The following KCTD2 variants were observed in gnomAD, a reference collection of about 807,000 sequenced individuals.
KCTD2 encodes potassium channel tetramerization domain containing 2, also known as BTB/POZ domain-containing protein KCTD2.
In KCTD2, 18 loss-of-function variants were observed where a neutral mutation model predicts 27.9. The ratio of observed to expected loss-of-function variants is 0.64; its 90% confidence interval spans 0.45 to 0.96. The LOEUF (loss-of-function observed/expected upper bound fraction) is 0.96. KCTD2 is among the 40% of genes least tolerant of loss of function. The probability of loss-of-function intolerance (pLI) is 0.00; values close to 1 mark genes in which losing one functional copy is unlikely to be tolerated. For missense variants in KCTD2, 280 were observed against 348.0 expected (o/e 0.80, Z 1.56); for synonymous variants, 175 against 148.4 (o/e 1.18, Z -1.30).
chr17:75,055,146 C>G (rs1345215217), intron 3 of KCTD2, among the ~76,000 whole-genome samples: 1 of 151,908 alleles, frequency 6.6e-6, no homozygotes, highest in Non-Finnish European at 1.5e-5. Flanking sequence ...CCTCTGCCTC[C>G]CAGGTTCAAG....
At chr17:75,034,574 T>TG (rs2040097031) in intron 2 of KCTD2, among the ~76,000 whole-genome samples, 2 of 152,138 alleles carry the variant, frequency 1.3e-5, no homozygotes, top group Admixed American at 1.3e-4. Flanking sequence ...GGCCCTGCTG[T>TG]GGGTCACCGC....
intron 3 of KCTD2, among the ~76,000 whole-genome samples, chr17:75,058,336 A>AG (rs2073369835): frequency 7.1e-6 from 1 of 141,078 alleles, no homozygotes; most frequent in Non-Finnish European, 1.5e-5. Flanking sequence ...AAAAAAAAAA[A>AG]GGAAAAAAAA....
intron 2 of KCTD2, among the ~76,000 whole-genome samples, chr17:75,034,826 G>A (rs947781825): frequency 2.6e-5 from 4 of 152,118 alleles, no homozygotes; most frequent in African/African-American, 4.8e-5. Context: ...TGGGATTCGG[G>A]CAAGGGCTGC....
At chr17:75,049,671 C>T (rs2073265247) in intron 2 of KCTD2, among the ~76,000 whole-genome samples, 1 of 152,152 alleles carries the variant, frequency 6.6e-6, no homozygotes, top group Admixed American at 6.6e-5. Flanking sequence ...AGCAAGACAT[C>T]TCTGACATTC....
At chr17:75,047,712 C>T in intron 1 of KCTD2, 123 bp downstream of exon 1, 1 of 885,788 alleles carries the variant, frequency 1.1e-6, no homozygotes, top group Non-Finnish European at 1.7e-6. Context: ...CCCCATCCTC[C>T]CCCTCCCTCC....
At chr17:75,060,220 G>A (rs2073389934) in intron 4 of KCTD2, among the ~76,000 whole-genome samples, 1 of 151,872 alleles carries the variant, frequency 6.6e-6, no homozygotes, top group Non-Finnish European at 1.5e-5. Flanking sequence ...AGAGCGAATA[G>A]AGTAAATACA....
rs1350906828 is a variant in KCTD2 at position 75,063,165 on chromosome 17, C to T, written c.*118C>T. ...CTGCAAAGCACAGCTGATCCTGGCC[C>T]CCTGTGAAGAAGTGTTCTGGTCAAA... On this transcript the variant is annotated 3_prime_UTR_variant, in exon 6 of 6. Coordinates refer to ENST00000322444, the MANE Select transcript of KCTD2 (RefSeq NM_015353.3). The T allele has an allele frequency of 1.0e-6, 1 of 980,000 alleles. No individual in the cohort carries two copies. The highest frequency in any genetic ancestry group is 1.6e-6 in the Non-Finnish European group (1 of 619,600). 60.7% of individuals were successfully genotyped at this position (980,000 alleles called of 1,614,324 possible). A position where few individuals can be genotyped will look rare whatever the true frequency, so the allele number is the denominator to read the frequency against.
rs1376277207 is a variant in KCTD2 at position 75,032,679 on chromosome 17, AG to A, written c.-512del. ...GTTAGAGCTGTAAGATCCAAGACCC[AG>A]GGAGACAAGAGGACCCTGGGGACGA... On this transcript the variant is annotated 5_prime_UTR_variant, in exon 1 of 8. Coordinates refer to the KCTD2 transcript ENST00000581589. This position sits in a 1 kb window ranked among gnomAD's most constrained non-coding sequence, Gnocchi z 4.8. 1 of 149,162 alleles carries A rather than the reference AG, an allele frequency of 6.7e-6. No individual in the cohort carries two copies. The highest frequency in any genetic ancestry group is 1.5e-5 in the Non-Finnish European group (1 of 67,202). 9.2% of individuals were successfully genotyped at this position (149,162 alleles called of 1,614,324 possible).
chr17:75,034,761 TG>T (rs1263337181), intron 2 of KCTD2, among the ~76,000 whole-genome samples: 1 of 151,542 alleles, frequency 6.6e-6, no homozygotes, highest in African/African-American at 2.4e-5. Context: ...GGAGCATAGC[TG>T]GGAGGAATAG....
At chr17:75,046,301 C>T (rs1405362086), upstream of KCTD2, among the ~76,000 whole-genome samples, 1 of 152,190 alleles carries the variant, frequency 6.6e-6, no homozygotes, top group East Asian at 1.9e-4. Flanking sequence ...CCAGGCTGGT[C>T]TCGAACTCCT....
At chr17:75,035,106 A>C (rs1007404714) in intron 2 of KCTD2, 1 of 152,214 alleles carries the variant, frequency 6.6e-6, no homozygotes, top group Non-Finnish European at 1.5e-5. Context: ...AGGTAGCTGC[A>C]GCCGGAGACC....
rs773060821 is a variant in KCTD2 at position 75,053,082 on chromosome 17, G to T, written c.517G>T (p.Asp173Tyr). 1 of 1,613,898 alleles carries T rather than the reference G, an allele frequency of 6.2e-7. No individual in the cohort carries two copies. The highest frequency in any genetic ancestry group is 8.5e-7 in the Non-Finnish European group (1 of 1,179,864). ...GCGGCTGGTTAAGGAAAGGATACGG[G>T]ACAATGAGAACAGAACTTCACAAGT... The part of the protein sequence containing the change: ...LVRLVKERIR[D>Y]NENRTSQGPV... Residue 173 changes from aspartate (D) to tyrosine (Y), a missense_variant, in exon 3 of 6, where the codon GAC (aspartate) becomes TAC (tyrosine). Physicochemically the swap from Asp to Tyr is radical, Grantham distance 160. Coordinates refer to ENST00000322444, the MANE Select transcript of KCTD2 (RefSeq NM_015353.3).
At position 75,032,777 on chromosome 17, in the gene KCTD2, C is replaced by G. The variant is rs569282558; in HGVS notation, c.-470+53C>G. On this transcript the variant is annotated intron_variant, in intron 1 of 7. Coordinates refer to the KCTD2 transcript ENST00000581589. This position sits in a 1 kb window ranked among gnomAD's most constrained non-coding sequence, Gnocchi z 4.8. ...TGGGGGAACATGCCTAGCTAGAGGG[C>G]GGCAGCAGGAAAGCAGAGAAGGCAT... The G allele has an allele frequency of 6.6e-6, 1 of 152,294 alleles. No homozygotes were observed. Among genetic ancestry groups the G allele is most frequent in the Admixed American group, 6.5e-5 (1 of 15,270 alleles). 9.4% of individuals were successfully genotyped at this position (152,294 alleles called of 1,614,324 possible). A position where few individuals can be genotyped will look rare whatever the true frequency, so the allele number is the denominator to read the frequency against.
rs1443598429 is a variant in KCTD2, at chr17:75,065,326, C to CT, written c.*2282dup. The stretch of plus-strand genomic sequence containing the variant: ...TCTGGGAGCGTTGTTCACCCACCCC[C>CT]TTTAGGAACCAGGCTGGTGTTCTTG... On this transcript the variant is annotated 3_prime_UTR_variant, in exon 6 of 6. Coordinates refer to ENST00000322444, the MANE Select transcript of KCTD2 (RefSeq NM_015353.3). 1 of 152,296 alleles carries CT rather than the reference C, an allele frequency of 6.6e-6. No homozygotes were observed. The highest frequency in any genetic ancestry group is 2.4e-5 in the African/African-American group (1 of 41,446). 9.4% of individuals were successfully genotyped at this position (152,296 alleles called of 1,614,324 possible). A position where few individuals can be genotyped will look rare whatever the true frequency, so the allele number is the denominator to read the frequency against.
intron 3 of KCTD2, among the ~76,000 whole-genome samples, chr17:75,056,641 T>C (rs2073352690): frequency 6.6e-6 from 1 of 152,232 alleles, no homozygotes; most frequent in African/African-American, 2.4e-5. Flanking sequence ...GTCCTTTTTA[T>C]GTAGTGAAAC....
chr17:75,062,104 A>G lies in KCTD2; in HGVS notation c.637-16A>G, dbSNP rs77396576. 8.0e-3 allele frequency: 12,982 copies of G among 1,613,754 alleles called. 71 individuals are homozygous for G. The highest frequency in any genetic ancestry group is 0.01 in the Non-Finnish European group (11,923 of 1,179,780). ...AGATTGCCACATGAATGTTCACTGT[A>G]TTCTTGGTTCATCAGCTCATCAGCA... On this transcript the variant is annotated splice_polypyrimidine_tract_variant and intron_variant, in intron 4 of 5. Transcript: ENST00000322444.
chr17:75,038,021 C>T (rs2073120256), intron 3 of KCTD2, among the ~76,000 whole-genome samples: 1 of 152,004 alleles, frequency 6.6e-6, no homozygotes, highest in Admixed American at 6.6e-5. Context: ...TGCACTCCAG[C>T]CTGGGCGACA....
chr17:75,052,735 A>T lies in KCTD2; in HGVS notation c.449-279A>T, dbSNP rs192807871. ...TGAAACTCTGTTTCGGGCGGGGGGA[A>T]AAAATAGAAACAGCCGGGTGTGGTG... On this transcript the variant is annotated intron_variant, in intron 2 of 5. Coordinates refer to ENST00000322444, the MANE Select transcript of KCTD2 (RefSeq NM_015353.3). Among the ~76,000 whole-genome samples the T allele has an allele frequency of 2.4e-3, 369 of 152,148 alleles. 1 individual carries two copies. The highest frequency in any genetic ancestry group is 8.6e-3 in the African/African-American group (356 of 41,522).
intron 3 of KCTD2, among the ~76,000 whole-genome samples, chr17:75,054,534 G>A (rs972286374): frequency 2.0e-5 from 3 of 152,046 alleles, no homozygotes; most frequent in Non-Finnish European, 1.5e-5. Context: ...GGCCGGGCGC[G>A]GTGGCTCACG....
Sources: allele counts gnomAD v4.1 joint callset (sites outside exome capture counted in the v4.1 genomes callset), GRCh38; gene constraint gnomAD v4.1.1; non-coding constraint Gnocchi (gnomAD v3.1); transcripts MANE v1.5; gene names NCBI Gene and HGNC (gene_info 2026-07-23, HGNC 2026-07-21).